Variants in NIPAL2 observed in about 807,000 individuals in gnomAD.
NIPAL2 encodes the protein NIPA like domain containing 2.
In NIPAL2, 43 loss-of-function variants were observed where a neutral mutation model predicts 48.9. That is an observed-to-expected ratio of 0.88 (90% CI 0.69 to 1.13). The LOEUF is 1.13. NIPAL2 is among the 50% of genes most tolerant of loss of function. The pLI is 0.00. For missense variants in NIPAL2, 446 were observed against 461.4 expected, an observed-to-expected ratio of 0.97 and a Z score of 0.31; for synonymous variants, 167 against 174.6, an observed-to-expected ratio of 0.96 and a Z score of 0.34.
intron 3 of NIPAL2, among the ~76,000 whole-genome samples, chr8:98,250,281 A>G (rs188382755): frequency 1.4e-3 from 212 of 152,358 alleles, no homozygotes; most frequent in Non-Finnish European, 2.2e-3. Flanking sequence ...AAGTTATAAC[A>G]TAGGAAAGTG....
intron 7 of NIPAL2, among the ~76,000 whole-genome samples, 199 bp downstream of exon 7, chr8:98,204,912 G>T (rs920617287): frequency 6.6e-6 from 1 of 152,090 alleles, no homozygotes; most frequent in Non-Finnish European, 1.5e-5. Flanking sequence ...CACAAGACAT[G>T]AAGGCAACGC....
intron 6 of NIPAL2, among the ~76,000 whole-genome samples, chr8:98,211,167 A>C: frequency 6.6e-6 from 1 of 152,206 alleles, no homozygotes; most frequent in Non-Finnish European, 1.5e-5. Flanking sequence ...CCTGATGTCC[A>C]ATTTGAGAAT....
At chr8:98,234,156 A>G (rs929125319) in intron 4 of NIPAL2, among the ~76,000 whole-genome samples, 3 of 152,156 alleles carry the variant, frequency 2.0e-5, no homozygotes, top group African/African-American at 4.8e-5. Context: ...AGCCCCTACA[A>G]TGAAGAATGA....
chr8:98,289,028 G>A (rs1414726318), intron 1 of NIPAL2, among the ~76,000 whole-genome samples: 1 of 151,990 alleles, frequency 6.6e-6, no homozygotes, highest in East Asian at 1.9e-4. Flanking sequence ...TTTCTGCTGT[G>A]TCTTTTAGGT....
chr8:98,246,826 G>GCCCCTGCAATGATCTCCCTC (rs1813331984), intron 3 of NIPAL2, among the ~76,000 whole-genome samples: 1 of 151,816 alleles, frequency 6.6e-6, no homozygotes, highest in Non-Finnish European at 1.5e-5. Context: ...CTCCCTCCTT[G>GCCCCTGCAATGATCTCCCTC]CCCCTGCAAT....
chr8:98,230,971 G>A (rs1250587743), intron 4 of NIPAL2, among the ~76,000 whole-genome samples: 1 of 152,108 alleles, frequency 6.6e-6, no homozygotes, highest in Non-Finnish European at 1.5e-5. Context: ...ACTTTTAGGA[G>A]CCTTAAGAGT....
intron 7 of NIPAL2, among the ~76,000 whole-genome samples, 195 bp from the exon 8 acceptor site, chr8:98,203,391 T>C (rs1043752247): frequency 6.6e-6 from 1 of 152,232 alleles, no homozygotes; most frequent in Admixed American, 6.5e-5. Context: ...TTCTATGGTC[T>C]GTTTAAACCA....
At chr8:98,230,932 T>G (rs568359538) in intron 4 of NIPAL2, among the ~76,000 whole-genome samples, 1 of 152,314 alleles carries the variant, frequency 6.6e-6, no homozygotes, top group Non-Finnish European at 1.5e-5. Flanking sequence ...AGTGCCCATT[T>G]GCTGACTTCT....
intron 3 of NIPAL2, among the ~76,000 whole-genome samples, chr8:98,249,451 T>C (rs1813453729): frequency 6.6e-6 from 1 of 151,734 alleles, no homozygotes; most frequent in Non-Finnish European, 1.5e-5. Flanking sequence ...TACAAATGAG[T>C]CCTATATATG....
intron 1 of NIPAL2, among the ~76,000 whole-genome samples, chr8:98,270,911 T>C (rs1239862838): frequency 2.6e-5 from 4 of 152,202 alleles, no homozygotes; most frequent in Admixed American, 2.6e-4. Context: ...TTTATTCTTC[T>C]GCATTTGGTT....
chr8:98,196,047 G>A (rs772615499), intron 8 of NIPAL2, 42 bp from the exon 9 acceptor site: 2 of 1,224,430 alleles, frequency 1.6e-6, no homozygotes, highest in South Asian at 2.7e-5. Context: ...TTTGAAGTAA[G>A]GTTATTTATA....
rs186547932 is a variant in NIPAL2, at chr8:98,271,623, G to A, written c.136-17536C>T. Among the ~76,000 whole-genome samples the A allele has an allele frequency of 4.7e-4, 72 of 152,178 alleles. 1 individual carries two copies. Among genetic ancestry groups the A allele is most frequent in the African/African-American group, 1.7e-3 (69 of 41,552 alleles). On this transcript the variant is annotated intron_variant, in intron 1 of 10. Transcript: ENST00000430223. The stretch of plus-strand genomic sequence containing the variant: ...GTTGTTAGGGTTTTCTAAGTATAGA[G>A]TCATATCGTCAGTGAAGAGAGATAA...
intron 8 of NIPAL2, among the ~76,000 whole-genome samples, chr8:98,198,489 TCTC>T (rs1271189627): frequency 2.6e-5 from 4 of 152,218 alleles, no homozygotes; most frequent in Non-Finnish European, 1.5e-5. Context: ...GACATTTACT[TCTC>T]CTCTTTAGCC....
chr8:98,247,107 C>T (rs1813348908), intron 3 of NIPAL2, among the ~76,000 whole-genome samples: 1 of 152,174 alleles, frequency 6.6e-6, no homozygotes, highest in African/African-American at 2.4e-5. Flanking sequence ...GCTTATAGAC[C>T]TATGAGTGTT....
intron 1 of NIPAL2, among the ~76,000 whole-genome samples, chr8:98,279,236 A>T (rs1815656071): frequency 6.6e-6 from 1 of 152,136 alleles, no homozygotes. Flanking sequence ...TGGTGGTTTG[A>T]TTACCTTCAA....
intron 4 of NIPAL2, among the ~76,000 whole-genome samples, chr8:98,225,096 C>A (rs1812100727): frequency 6.6e-6 from 1 of 152,152 alleles, no homozygotes; most frequent in South Asian, 2.1e-4. Context: ...TATATTATTT[C>A]ATCTGGGCCT....
intron 3 of NIPAL2, among the ~76,000 whole-genome samples, chr8:98,249,363 GAAGA>G (rs1813450940): frequency 1.3e-5 from 2 of 152,074 alleles, no homozygotes; most frequent in Non-Finnish European, 1.5e-5. Context: ...AGAAAGCACA[GAAGA>G]AAGATGCTTC....
intron 9 of NIPAL2, among the ~76,000 whole-genome samples, chr8:98,195,304 C>T (rs1272454474): frequency 6.6e-6 from 1 of 152,138 alleles, no homozygotes; most frequent in Non-Finnish European, 1.5e-5. Context: ...AGCCTAGGCT[C>T]AAGTTTGCAT....
chr8:98,214,159 T>G lies in NIPAL2; in HGVS notation c.559-1658A>C, dbSNP rs954227227. On this transcript the variant is annotated intron_variant, in intron 5 of 10. Coordinates refer to ENST00000430223, the MANE Select transcript of NIPAL2 (RefSeq NM_001321635.2). ...TTTGAGTTCTCAGTTTTATTTTTGT[T>G]TTAACATCTTTTTTTTTTTTTTGAG... Among the ~76,000 whole-genome samples, 24 of 140,490 alleles carry G rather than the reference T, an allele frequency of 1.7e-4. No homozygotes were observed. The South Asian group carries it at 3.0e-3, about 17-fold the overall frequency. The allele number at this position is 140,490 out of a possible 152,430, so 92.2% of individuals were successfully genotyped here.
Sources: gnomAD v4.1 joint callset for allele counts (sites outside exome capture counted in the v4.1 genomes callset) on GRCh38, gnomAD v4.1.1 for gene constraint, MANE v1.5 for transcripts, NCBI Gene and HGNC (gene_info 2026-07-23, HGNC 2026-07-21) for gene names.